RSPO2: variants seen among roughly 807,000 people sequenced by gnomAD.
RSPO2 encodes the protein R-spondin-2.
In RSPO2, 14 loss-of-function variants were observed where a neutral mutation model predicts 30.9. The observed-to-expected ratio is 0.45, with a 90% CI of 0.30 to 0.71. The LOEUF is 0.71. RSPO2 is among the 30% of genes least tolerant of loss of function. RSPO2 has a pLI of 0.08. For missense variants in RSPO2, 264 were observed against 301.9 expected (o/e 0.87, Z 0.93); for synonymous variants, 107 against 96.4 (o/e 1.11, Z -0.64).
chr8:108,053,980 C>T (rs769056400), intron 2 of RSPO2, among the ~76,000 whole-genome samples: 5 of 152,090 alleles, frequency 3.3e-5, no homozygotes, highest in Non-Finnish European at 5.9e-5. Flanking sequence ...CTTTGAACCC[C>T]GAATGTATTT....
At chr8:108,003,309 ATATTTTTTTTT>A (rs1380881144) in intron 2 of RSPO2, among the ~76,000 whole-genome samples, 37 of 16,896 alleles carry the variant, frequency 2.2e-3, no homozygotes, top group African/African-American at 7.9e-3. Flanking sequence ...ATATATATAT[ATATTTTTTTTT>A]TTTTTTTTTT....
chr8:107,940,544 A>G (rs1812864466), intron 5 of RSPO2, among the ~76,000 whole-genome samples: 1 of 152,230 alleles, frequency 6.6e-6, no homozygotes, highest in African/African-American at 2.4e-5. Flanking sequence ...TCTAATTAAA[A>G]AGTCAGATGG....
At chr8:107,993,295 G>T (rs573563314) in intron 2 of RSPO2, among the ~76,000 whole-genome samples, 2 of 152,242 alleles carry the variant, frequency 1.3e-5, no homozygotes, top group South Asian at 2.1e-4. Context: ...TGTAATATAT[G>T]TATAAAATAT....
At chr8:108,029,751 A>T (rs72680501) in intron 2 of RSPO2, among the ~76,000 whole-genome samples, 172 of 152,354 alleles carry the variant, frequency 1.1e-3, no homozygotes, top group Admixed American at 3.0e-3. Flanking sequence ...TACATATTTA[A>T]TATTCCTTAG....
chr8:107,915,780 T>A (rs943089158), intron 5 of RSPO2, among the ~76,000 whole-genome samples: 1 of 152,162 alleles, frequency 6.6e-6, no homozygotes. Flanking sequence ...TGTTTTGTTA[T>A]GTGTATTTTG....
At position 107,899,587 on chromosome 8, in the gene RSPO2, A is replaced by AAGTT. The variant is rs908821522; in HGVS notation, c.*1484_*1487dup. On this transcript the variant is annotated 3_prime_UTR_variant, in exon 6 of 6. Coordinates refer to ENST00000276659, the MANE Select transcript of RSPO2 (RefSeq NM_178565.5). ...TATTGGTAAGATGCTTTTGAATCAAAAGTTAAAAACACTGAAGAGGTAGTT... is the reference window on the plus strand; with the variant it reads ...TATTGGTAAGATGCTTTTGAATCAAAAGTTAGTTAAAAACACTGAAGAGGTAGTT... 5 of 152,668 alleles carry AAGTT rather than the reference A, an allele frequency of 3.3e-5. No homozygotes were observed. The highest frequency in any genetic ancestry group is 1.2e-4 in the African/African-American group (5 of 41,464). The allele number at this position is 152,668 out of a possible 1,614,324, so 9.5% of individuals were successfully genotyped here.
intron 3 of RSPO2, among the ~76,000 whole-genome samples, chr8:107,978,610 A>G (rs1397331548): frequency 6.6e-6 from 1 of 152,234 alleles, no homozygotes; most frequent in Non-Finnish European, 1.5e-5. Flanking sequence ...CACTCAGGAC[A>G]TAGGCAAGGG....
chr8:108,008,404 A>G (rs1261540635), intron 2 of RSPO2, among the ~76,000 whole-genome samples: 1 of 152,174 alleles, frequency 6.6e-6, no homozygotes, highest in Non-Finnish European at 1.5e-5. Context: ...TACTCACAGA[A>G]GTAACTGACT....
intron 2 of RSPO2, among the ~76,000 whole-genome samples, chr8:108,009,383 T>C (rs999322758): frequency 6.6e-6 from 1 of 152,144 alleles, no homozygotes; most frequent in Non-Finnish European, 1.5e-5. Flanking sequence ...ATGAATAAAA[T>C]ACTGAATAAC....
intron 2 of RSPO2, among the ~76,000 whole-genome samples, chr8:108,050,710 C>A (rs1421642371): frequency 2.0e-5 from 3 of 152,194 alleles, no homozygotes; most frequent in Non-Finnish European, 4.4e-5. Context: ...CTGCCACTAT[C>A]TAGCAAATGT....
At chr8:108,069,106 T>G (rs954086714) in intron 2 of RSPO2, among the ~76,000 whole-genome samples, 1 of 152,224 alleles carries the variant, frequency 6.6e-6, no homozygotes, top group Non-Finnish European at 1.5e-5. Flanking sequence ...TTTTTGCAAT[T>G]ACATTACATT....
chr8:108,013,358 G>A (rs987799849), intron 2 of RSPO2, among the ~76,000 whole-genome samples: 2 of 152,144 alleles, frequency 1.3e-5, no homozygotes, highest in African/African-American at 4.8e-5. Context: ...CAAGCTCAAA[G>A]GCTTGCCCTA....
intron 3 of RSPO2, among the ~76,000 whole-genome samples, chr8:107,978,806 T>C (rs1381999073): frequency 6.6e-6 from 1 of 152,050 alleles, no homozygotes; most frequent in Non-Finnish European, 1.5e-5. Flanking sequence ...ATATCCACAA[T>C]CTACAATGAA....
chr8:107,979,640 C>T (rs992522366), intron 3 of RSPO2, among the ~76,000 whole-genome samples: 22 of 151,672 alleles, frequency 1.5e-4, no homozygotes, highest in African/African-American at 4.8e-4. Context: ...CAAACCTGCA[C>T]GTTGTGCACA....
At chr8:108,052,686 A>G (rs1304774998) in intron 2 of RSPO2, among the ~76,000 whole-genome samples, 2 of 152,186 alleles carry the variant, frequency 1.3e-5, no homozygotes, top group Admixed American at 6.6e-5. Context: ...ACACCATCCA[A>G]TTAATTCTCA....
intron 3 of RSPO2, among the ~76,000 whole-genome samples, chr8:107,962,712 C>G (rs902118160): frequency 1.3e-5 from 2 of 151,984 alleles, no homozygotes; most frequent in Non-Finnish European, 2.9e-5. Flanking sequence ...AACAAGCAGC[C>G]CTTCCTGCCG....
At chr8:107,998,762 A>G (rs1339440720) in intron 2 of RSPO2, among the ~76,000 whole-genome samples, 13 of 152,148 alleles carry the variant, frequency 8.5e-5, no homozygotes, top group Admixed American at 5.9e-4. Context: ...AACTGTATTT[A>G]TGGCCAGGCA....
rs1279091472 is a variant in RSPO2 at position 108,083,247 on chromosome 8, C to T, written c.-220G>A. ...CCTCCCTAGGCGCGGTGCTCCATCC[C>T]GGGCTCGGGAAGCGAGCCGCTTGGT... is the stretch of plus-strand genomic sequence containing the variant. On this transcript the variant is annotated 5_prime_UTR_variant, in exon 1 of 6. Transcript: ENST00000276659. 2 of 152,246 alleles carry T rather than the reference C, an allele frequency of 1.3e-5. No homozygotes were observed. Among genetic ancestry groups the T allele is most frequent in the African/African-American group, 4.8e-5 (2 of 41,476 alleles). The allele number at this position is 152,246 out of a possible 1,614,324, so 9.4% of individuals were successfully genotyped here.
intron 5 of RSPO2, among the ~76,000 whole-genome samples, chr8:107,928,229 G>T (rs900289571): frequency 6.6e-6 from 1 of 152,004 alleles, no homozygotes; most frequent in Non-Finnish European, 1.5e-5. Flanking sequence ...ATAGCCACCA[G>T]GTTCCATATA....
Sources: allele counts gnomAD v4.1 joint callset (sites outside exome capture counted in the v4.1 genomes callset), GRCh38; gene constraint gnomAD v4.1.1; transcripts MANE v1.5; gene names NCBI Gene and HGNC (gene_info 2026-07-23, HGNC 2026-07-21).